Variants in KLHL32 observed in about 807,000 individuals in gnomAD.
KLHL32 encodes the protein kelch like family member 32.
In KLHL32, 35 loss-of-function variants were observed where a neutral mutation model predicts 64.8. The observed-to-expected ratio is 0.54, with a 90% CI of 0.41 to 0.72. The LOEUF is 0.72. Among genes scored for constraint, KLHL32 ranks in the 30% least tolerant of loss-of-function variants. KLHL32 has a pLI of 0.00. For synonymous variants in KLHL32, 259 were observed against 281.0 expected, an observed-to-expected ratio of 0.92 and a Z score of 0.78; for missense variants, 589 against 768.5, an observed-to-expected ratio of 0.77 and a Z score of 2.76.
chr6:97,058,231 T>G (rs1026666310), intron 4 of KLHL32, among the ~76,000 whole-genome samples: 2 of 152,184 alleles, frequency 1.3e-5, no homozygotes, highest in Admixed American at 6.5e-5. Flanking sequence ...TTGGGTCTTT[T>G]GCTTCTTCAT....
rs1034964791 is a variant in KLHL32, at chr6:96,994,958, A to G, written c.204+18781A>G. On this transcript the variant is annotated intron_variant, in intron 3 of 10. Transcript: ENST00000369261. The stretch of plus-strand genomic sequence containing the variant: ...TCTGTTCTGTTCACCATTGTTTCCC[A>G]CACTACCTGGCAAATAGTAGGCACT... 2.9e-4 allele frequency among the ~76,000 whole-genome samples: 44 copies of G among 152,300 alleles called. 1 individual carries two copies. The highest frequency in any genetic ancestry group is 6.8e-3 in the Middle Eastern group (2 of 292).
chr6:96,981,040 A>T (rs1776247085), intron 3 of KLHL32, among the ~76,000 whole-genome samples: 1 of 152,058 alleles, frequency 6.6e-6, no homozygotes, highest in Non-Finnish European at 1.5e-5. Flanking sequence ...CCCCTCATAA[A>T]ACCCTTAGAT....
At chr6:97,030,950 A>C (rs1209616) in intron 3 of KLHL32, among the ~76,000 whole-genome samples, 26,713 of 152,190 alleles carry the variant, frequency 0.18, 2,809 homozygotes, top group African/African-American at 0.3. Flanking sequence ...GCACTCCTAG[A>C]ATCTGGGAGC....
At chr6:96,973,730 C>CTCTTTTTTTTTTTTT (rs1554208428) in intron 2 of KLHL32, among the ~76,000 whole-genome samples, 5 of 118,238 alleles carry the variant, frequency 4.2e-5, no homozygotes, top group African/African-American at 1.6e-4. Flanking sequence ...TACAGATTGC[C>CTCTTTTTTTTTTTTT]TTTTTTTTTT....
At chr6:97,027,641 G>A (rs370774674) in intron 3 of KLHL32, among the ~76,000 whole-genome samples, 2 of 152,188 alleles carry the variant, frequency 1.3e-5, no homozygotes, top group East Asian at 3.9e-4. Flanking sequence ...ACAAGCTTAG[G>A]ATGATTTACT....
At chr6:97,036,763 T>G (rs994980677) in intron 3 of KLHL32, among the ~76,000 whole-genome samples, 4 of 152,218 alleles carry the variant, frequency 2.6e-5, no homozygotes. Flanking sequence ...TGGGCTCATG[T>G]GAAGCCGTAC....
chr6:97,115,096 A>G (rs1232555203), intron 7 of KLHL32, among the ~76,000 whole-genome samples: 2 of 152,058 alleles, frequency 1.3e-5, no homozygotes, highest in East Asian at 3.9e-4. Context: ...ACTCACTGCA[A>G]CCTCCACCTC....
chr6:96,984,270 T>C (rs1483324047), intron 3 of KLHL32, among the ~76,000 whole-genome samples: 3 of 152,214 alleles, frequency 2.0e-5, no homozygotes, highest in Non-Finnish European at 2.9e-5. Context: ...TCTGTTCTTT[T>C]ACATTTGCTG....
intron 6 of KLHL32, among the ~76,000 whole-genome samples, chr6:97,094,525 C>G (rs1035213900): frequency 6.6e-6 from 1 of 152,130 alleles, no homozygotes; most frequent in Non-Finnish European, 1.5e-5. Flanking sequence ...TTTTTATGCT[C>G]ATAATACAGA....
At chr6:96,904,217 C>T in the KLHL32 span, among the ~76,000 whole-genome samples, 1 of 151,556 alleles carries the variant, frequency 6.6e-6, no homozygotes, top group African/African-American at 2.4e-5. Context: ...TGGTGCACAT[C>T]GATAATCCCA....
intron 10 of KLHL32, among the ~76,000 whole-genome samples, chr6:97,137,373 G>A (rs1475160345): frequency 6.6e-6 from 1 of 152,126 alleles, no homozygotes; most frequent in Non-Finnish European, 1.5e-5. Flanking sequence ...TAAATTAGTA[G>A]TGACAGGGTA....
chr6:97,069,552 T>G (rs1025044766), intron 5 of KLHL32, among the ~76,000 whole-genome samples: 3 of 152,074 alleles, frequency 2.0e-5, no homozygotes, highest in African/African-American at 7.2e-5. Flanking sequence ...TGGTTTAATG[T>G]AGTTGGAAAA....
chr6:96,941,676 A>G lies in KLHL32; in HGVS notation c.-66+16650A>G, dbSNP rs560191142. Among the ~76,000 whole-genome samples, 27 of 152,250 alleles carry G rather than the reference A, an allele frequency of 1.8e-4. No homozygotes were observed. In the South Asian group the frequency reaches 5.4e-3, roughly 30 times the overall value. ...TATCTCTTGAATAAGTGAGCCTGAG[A>G]AAGTATCCTCTCAGGAGCCTCTGTG... On this transcript the variant is annotated intron_variant, in intron 1 of 10. Coordinates refer to ENST00000369261, the MANE Select transcript of KLHL32 (RefSeq NM_052904.4).
intron 7 of KLHL32, among the ~76,000 whole-genome samples, chr6:97,118,113 G>C (rs530728942): frequency 3.3e-5 from 5 of 151,928 alleles, no homozygotes; most frequent in Non-Finnish European, 5.9e-5. Flanking sequence ...ATTTGTTAAG[G>C]CTTAACTCCC....
intron 3 of KLHL32, among the ~76,000 whole-genome samples, chr6:97,002,299 G>T (rs1391558628): frequency 1.3e-5 from 2 of 152,122 alleles, no homozygotes; most frequent in Non-Finnish European, 2.9e-5. Flanking sequence ...AAAGCAATTT[G>T]CTTTACTCAT....
the KLHL32 span, among the ~76,000 whole-genome samples, chr6:96,916,152 G>T: frequency 6.6e-6 from 1 of 151,608 alleles, no homozygotes; most frequent in African/African-American, 2.4e-5. Context: ...TCGAAAGTGA[G>T]GTACAGAAAC....
chr6:97,133,351 A>G (rs981696825), intron 10 of KLHL32, among the ~76,000 whole-genome samples: 1 of 152,140 alleles, frequency 6.6e-6, no homozygotes, highest in East Asian at 1.9e-4. Flanking sequence ...TATTATTCCT[A>G]TTATTATTTT....
chr6:97,132,785 G>T, intron 10 of KLHL32, 38 bp downstream of exon 10: 1 of 1,394,330 alleles, frequency 7.2e-7, no homozygotes, highest in Non-Finnish European at 1.0e-6. Context: ...TTGTTCAAGT[G>T]GTTCAGCGAG....
At chr6:96,923,885 T>G (rs2127982882), upstream of KLHL32, among the ~76,000 whole-genome samples, 1 of 152,316 alleles carries the variant, frequency 6.6e-6, no homozygotes, top group East Asian at 1.9e-4. Context: ...CCACTTTGCT[T>G]TAGTGTGAGT....
Sources: gnomAD v4.1 joint callset for allele counts (sites outside exome capture counted in the v4.1 genomes callset) on GRCh38, gnomAD v4.1.1 for gene constraint, MANE v1.5 for transcripts, NCBI Gene and HGNC (gene_info 2026-07-23, HGNC 2026-07-21) for gene names.